Variants in DGKB observed in about 807,000 individuals in gnomAD.
The protein encoded by DGKB is diacylglycerol kinase beta.
A neutral mutation model predicts 114.3 loss-of-function variants in DGKB; 67 were observed. The ratio of observed to expected loss-of-function variants is 0.59; its 90% CI spans 0.48 to 0.72. The LOEUF (loss-of-function observed/expected upper bound fraction) is 0.72, where lower values mean the gene tolerates loss of function less well. Among genes scored for constraint, DGKB ranks in the 30% least tolerant of loss-of-function variants. The probability of loss-of-function intolerance (pLI) is 0.00; values close to 1 mark genes in which losing one functional copy is unlikely to be tolerated. For synonymous variants in DGKB, 398 were observed against 323.1 expected (o/e 1.23, Z -2.49); for missense variants, 907 against 975.2 (o/e 0.93, Z 0.93).
chr7:14,900,023 G>A (rs1254229195), intron 1 of DGKB, among the ~76,000 whole-genome samples: 1 of 152,094 alleles, frequency 6.6e-6, no homozygotes, highest in Non-Finnish European at 1.5e-5. Context: ...CCTCCTGTGA[G>A]GGGCATATGT....
chr7:14,219,134 G>A (rs560137748), intron 23 of DGKB, among the ~76,000 whole-genome samples: 2 of 151,874 alleles, frequency 1.3e-5, no homozygotes, highest in East Asian at 3.9e-4. Flanking sequence ...ACATTTATTT[G>A]TATGAATATA....
At chr7:14,522,069 G>C (rs915058910) in intron 20 of DGKB, among the ~76,000 whole-genome samples, 3 of 152,094 alleles carry the variant, frequency 2.0e-5, no homozygotes, top group African/African-American at 7.2e-5. Context: ...GTGTGTTGCT[G>C]TTACACATAG....
intron 20 of DGKB, among the ~76,000 whole-genome samples, chr7:14,565,679 G>A (rs1797283820): frequency 6.6e-6 from 1 of 151,938 alleles, no homozygotes; most frequent in Admixed American, 6.6e-5. Flanking sequence ...CCATCCCCTG[G>A]ACACTGTCGA....
intron 25 of DGKB, among the ~76,000 whole-genome samples, chr7:14,154,035 G>A (rs778938424): frequency 1.6e-4 from 25 of 151,790 alleles, no homozygotes; most frequent in African/African-American, 4.6e-4. Flanking sequence ...CTAAGGAGAC[G>A]AGTCAAAAAA....
chr7:14,950,205 T>TC (rs1786110726), intron 1 of DGKB, among the ~76,000 whole-genome samples: 1 of 36,418 alleles, frequency 2.7e-5, no homozygotes, highest in Non-Finnish European at 4.4e-5. Context: ...AAAACATGAC[T>TC]CATCCCTTAC....
At chr7:14,491,087 T>A (rs114629326) in intron 20 of DGKB, among the ~76,000 whole-genome samples, 2,225 of 152,116 alleles carry the variant, frequency 0.015, 56 homozygotes, top group African/African-American at 0.049. Context: ...AAACTCTCAA[T>A]CCATGACTCA....
rs1563917711 is a variant in DGKB, at chr7:14,689,211, T to TTTTATTTTA, written c.712-3850_712-3849insTAAAATAAA. ...AGAAACTCCTCTTATTTTTTTTTTT[T>TTTTATTTTA]TTTTTTTTTTTTTGAGAGGAGTCTC... On this transcript the variant is annotated intron_variant, in intron 9 of 25. Coordinates refer to ENST00000402815, the MANE Select transcript of DGKB (RefSeq NM_001350709.2). Among the ~76,000 whole-genome samples, 16 of 129,784 alleles carry TTTTATTTTA rather than the reference T, an allele frequency of 1.2e-4. 1 individual carries two copies. The highest frequency in any genetic ancestry group is 2.8e-4 in the South Asian group (1 of 3,610). The allele number at this position is 129,784 out of a possible 152,430, so 85.1% of individuals were successfully genotyped here.
At chr7:14,595,309 C>T (rs1217030992) in intron 17 of DGKB, among the ~76,000 whole-genome samples, 1 of 151,862 alleles carries the variant, frequency 6.6e-6, no homozygotes, top group African/African-American at 2.4e-5. Context: ...AGTGAATGGT[C>T]TTTTTATTCA....
intron 23 of DGKB, among the ~76,000 whole-genome samples, chr7:14,244,662 T>A (rs1425362019): frequency 3.5e-5 from 4 of 115,534 alleles, no homozygotes; most frequent in Non-Finnish European, 6.8e-5. Flanking sequence ...AGAGTGAGAC[T>A]CTGTCTCAAA....
chr7:14,170,173 G>GAAAT (rs909998369), intron 25 of DGKB, among the ~76,000 whole-genome samples: 1 of 145,224 alleles, frequency 6.9e-6, no homozygotes, highest in African/African-American at 2.5e-5. Flanking sequence ...AAGAAAGAAA[G>GAAAT]AAAGAAAGAA....
intron 23 of DGKB, among the ~76,000 whole-genome samples, chr7:14,178,781 A>G (rs887641010): frequency 2.6e-5 from 4 of 152,158 alleles, no homozygotes; most frequent in Non-Finnish European, 5.9e-5. Flanking sequence ...GTAGTATACT[A>G]GATAATTAGT....
chr7:14,911,016 T>G (rs6950662), intron 1 of DGKB, among the ~76,000 whole-genome samples: 36,221 of 151,994 alleles, frequency 0.24, 6,904 homozygotes, highest in East Asian at 0.79. Context: ...ATGTATAGTA[T>G]GTATCATATG....
At chr7:14,412,225 T>C (rs1164335559) in intron 21 of DGKB, among the ~76,000 whole-genome samples, 1 of 152,168 alleles carries the variant, frequency 6.6e-6, no homozygotes, top group African/African-American at 2.4e-5. Context: ...CATACTAACT[T>C]CTGGTGATAA....
intron 21 of DGKB, among the ~76,000 whole-genome samples, chr7:14,416,226 A>T (rs1167777304): frequency 1.3e-5 from 2 of 151,812 alleles, no homozygotes; most frequent in African/African-American, 4.8e-5. Context: ...TAGGTTGCAT[A>T]TATTTTTATA....
chr7:14,640,058 GAGA>G (rs1811457813), intron 13 of DGKB, among the ~76,000 whole-genome samples: 1 of 152,166 alleles, frequency 6.6e-6, no homozygotes, highest in Non-Finnish European at 1.5e-5. Context: ...AATTGCACAG[GAGA>G]AGGACAAACA....
intron 20 of DGKB, among the ~76,000 whole-genome samples, chr7:14,552,193 T>C (rs935525828): frequency 1.3e-5 from 2 of 152,154 alleles, no homozygotes; most frequent in Admixed American, 1.3e-4. Flanking sequence ...ATGTTTTACC[T>C]CCAATATACT....
chr7:14,609,573 A>G (rs952828650), intron 16 of DGKB, among the ~76,000 whole-genome samples: 2 of 152,128 alleles, frequency 1.3e-5, no homozygotes, highest in Non-Finnish European at 2.9e-5. Context: ...AACCATCAAC[A>G]GAGTAAAGTG....
At chr7:14,299,716 A>G (rs1007640204) in intron 23 of DGKB, among the ~76,000 whole-genome samples, 12 of 152,210 alleles carry the variant, frequency 7.9e-5, no homozygotes, top group African/African-American at 2.9e-4. Flanking sequence ...GAAGAAAGGG[A>G]AAGAAGCCAC....
rs569246499 is a variant in DGKB at position 14,902,572 on chromosome 7, C to T, written c.-188+20G>A. 3 of 152,328 alleles carry T rather than the reference C, an allele frequency of 2.0e-5. No homozygotes were observed. The highest frequency in any genetic ancestry group is 6.5e-5 in the Admixed American group (1 of 15,272). 9.4% of individuals were successfully genotyped at this position (152,328 alleles called of 1,614,324 possible). The stretch of plus-strand genomic sequence containing the variant: ...ACCCAGAAGCCACTCAATTTGCCAA[C>T]CATGTCCAGTTTAACTTACTGCAGT... On this transcript the variant is annotated intron_variant, in intron 1 of 25. Transcript: ENST00000402815.
Sources: gnomAD v4.1 joint callset for allele counts (sites outside exome capture counted in the v4.1 genomes callset) on GRCh38, gnomAD v4.1.1 for gene constraint, MANE v1.5 for transcripts, NCBI Gene and HGNC (gene_info 2026-07-23, HGNC 2026-07-21) for gene names.